RBFOX2: variants seen among roughly 807,000 people sequenced by gnomAD.
The protein encoded by RBFOX2 is RNA binding fox-1 homolog 2.
In RBFOX2, 10 loss-of-function variants were observed where a neutral mutation model predicts 49.1. The ratio of observed to expected loss-of-function variants is 0.20; its 90% CI spans 0.13 to 0.35. RBFOX2 has a LOEUF of 0.35. Among genes scored for constraint, RBFOX2 ranks in the 10% least tolerant of loss-of-function variants. The pLI is 1.00. For missense variants in RBFOX2, 323 were observed against 486.9 expected, an observed-to-expected ratio of 0.66 and a Z score of 3.17; for synonymous variants, 183 against 187.4, an observed-to-expected ratio of 0.98 and a Z score of 0.19.
intron 1 of RBFOX2, among the ~76,000 whole-genome samples, chr22:35,846,064 T>G (rs1404872435): frequency 6.6e-6 from 1 of 150,598 alleles, no homozygotes; most frequent in South Asian, 2.1e-4. Flanking sequence ...TATGTTAATA[T>G]AATTACATAC....
chr22:35,806,726 C>T (rs1950808071), intron 2 of RBFOX2, among the ~76,000 whole-genome samples: 1 of 152,144 alleles, frequency 6.6e-6, no homozygotes, highest in South Asian at 2.1e-4. Flanking sequence ...CATTAAGATG[C>T]AAATTGACCA....
chr22:36,014,848 T>A (rs1159999047), intron 1 of RBFOX2, among the ~76,000 whole-genome samples: 1 of 152,210 alleles, frequency 6.6e-6, no homozygotes, highest in Non-Finnish European at 1.5e-5. Context: ...TAAGCGCCTC[T>A]CTGAAGGGCT....
intron 1 of RBFOX2, among the ~76,000 whole-genome samples, chr22:35,868,694 G>C (rs1347736597): frequency 6.6e-6 from 1 of 152,188 alleles, no homozygotes; most frequent in Non-Finnish European, 1.5e-5. Flanking sequence ...AGCTTCACAA[G>C]GCCCATGATC....
At chr22:36,015,221 T>A (rs763465417) in intron 1 of RBFOX2, among the ~76,000 whole-genome samples, 2 of 152,248 alleles carry the variant, frequency 1.3e-5, no homozygotes, top group African/African-American at 2.4e-5. Context: ...AAACTATGAC[T>A]TCTAGTTCAA....
intron 1 of RBFOX2, among the ~76,000 whole-genome samples, chr22:36,006,667 C>T (rs919784565): frequency 6.6e-6 from 1 of 152,182 alleles, no homozygotes; most frequent in Non-Finnish European, 1.5e-5. Flanking sequence ...ATCCCTTGCT[C>T]GCATGCCCTC....
chr22:35,932,687 C>T (rs1180859033), intron 1 of RBFOX2, among the ~76,000 whole-genome samples: 2 of 152,152 alleles, frequency 1.3e-5, no homozygotes, highest in Non-Finnish European at 1.5e-5. Flanking sequence ...TTGAGATCAG[C>T]CTGGCCAACA....
At chr22:35,836,426 CTT>C (rs1464356319) in intron 1 of RBFOX2, 2 of 152,276 alleles carry the variant, frequency 1.3e-5, no homozygotes, top group Admixed American at 6.5e-5. Flanking sequence ...AGGTGAAAGA[CTT>C]CAGCCTTCCA....
chr22:35,786,906 C>T (rs1054276966), intron 2 of RBFOX2, among the ~76,000 whole-genome samples: 21 of 152,154 alleles, frequency 1.4e-4, no homozygotes, highest in African/African-American at 4.3e-4. Flanking sequence ...TCATTAGAAA[C>T]GAGAACCCAT....
At chr22:35,939,983 A>T (rs899381560), upstream of RBFOX2, among the ~76,000 whole-genome samples, 1 of 152,244 alleles carries the variant, frequency 6.6e-6, no homozygotes, top group Non-Finnish European at 1.5e-5. Context: ...ATTGCTACTT[A>T]GATATTCATC....
chr22:35,957,285 C>A (rs1053751739), intron 1 of RBFOX2, among the ~76,000 whole-genome samples: 1 of 152,038 alleles, frequency 6.6e-6, no homozygotes, highest in African/African-American at 2.4e-5. Flanking sequence ...ATGGGGTGGC[C>A]CTGTTAACAA....
intron 1 of RBFOX2, among the ~76,000 whole-genome samples, chr22:36,007,047 C>T (rs1011795257): frequency 2.0e-5 from 3 of 152,182 alleles, no homozygotes; most frequent in Non-Finnish European, 4.4e-5. Context: ...AAGGGAGAGG[C>T]TTATGGTAGT....
intron 1 of RBFOX2, among the ~76,000 whole-genome samples, chr22:35,923,412 C>T (rs577532217): frequency 1.3e-5 from 2 of 152,018 alleles, no homozygotes; most frequent in Admixed American, 6.6e-5. Context: ...GGTCTTTTGT[C>T]GCCCAGGCTG....
chr22:35,944,740 A>G (rs1483453095), intron 1 of RBFOX2, among the ~76,000 whole-genome samples: 5 of 152,174 alleles, frequency 3.3e-5, no homozygotes, highest in African/African-American at 1.2e-4. Context: ...AGCAGAGTGC[A>G]GAAAACTGGA....
chr22:36,022,478 A>G (rs2059281142), intron 1 of RBFOX2, among the ~76,000 whole-genome samples: 1 of 152,220 alleles, frequency 6.6e-6, no homozygotes, highest in African/African-American at 2.4e-5. Flanking sequence ...TCTACTTTGA[A>G]ATCAGATCTG....
intron 1 of RBFOX2, among the ~76,000 whole-genome samples, chr22:35,811,914 T>C (rs957893760): frequency 2.0e-5 from 3 of 150,112 alleles, no homozygotes; most frequent in African/African-American, 4.9e-5. Flanking sequence ...TGAGCCATGA[T>C]TGCATCACCC....
chr22:36,002,371 CA>C (rs2058461182), intron 1 of RBFOX2, among the ~76,000 whole-genome samples: 2 of 151,966 alleles, frequency 1.3e-5, no homozygotes, highest in Admixed American at 1.3e-4. Flanking sequence ...CATGTTTAAA[CA>C]AATCATGATT....
chr22:35,827,964 C>T (rs9607290), intron 1 of RBFOX2, among the ~76,000 whole-genome samples: 1 of 151,976 alleles, frequency 6.6e-6, no homozygotes, highest in African/African-American at 2.4e-5. Context: ...GTCAGGAGTT[C>T]GACCTGGCCA....
chr22:35,781,667 G>A, exon 3 of RBFOX2: 1 of 1,614,182 alleles, frequency 6.2e-7, no homozygotes, highest in Non-Finnish European at 8.5e-7. Flanking sequence ...CAGCCGTTTC[G>A]GGGTAGATTT....
At chr22:35,799,711 G>A (rs570668675) in intron 2 of RBFOX2, among the ~76,000 whole-genome samples, 6 of 152,250 alleles carry the variant, frequency 3.9e-5, no homozygotes, top group African/African-American at 1.4e-4. Context: ...ACTCTGGGAT[G>A]CTGAGGTGGG....
Sources: gnomAD v4.1 joint callset for allele counts (sites outside exome capture counted in the v4.1 genomes callset) on GRCh38, gnomAD v4.1.1 for gene constraint, MANE v1.5 for transcripts, NCBI Gene and HGNC (gene_info 2026-07-23, HGNC 2026-07-21) for gene names.